MAP2: variants seen among roughly 807,000 people sequenced by gnomAD.
MAP2 encodes microtubule associated protein 2.
In MAP2, 14 loss-of-function variants were observed where a neutral mutation model predicts 137.6. The observed-to-expected ratio is 0.10, with a 90% CI of 0.07 to 0.16. The LOEUF (loss-of-function observed/expected upper bound fraction) is 0.16, where lower values mean the gene tolerates loss of function less well. Among genes scored for constraint, MAP2 ranks in the 10% least tolerant of loss-of-function variants. The probability of loss-of-function intolerance (pLI) is 1.00; values close to 1 mark genes in which losing one functional copy is unlikely to be tolerated. For missense variants in MAP2, 2,088 were observed against 2,191.5 expected, an observed-to-expected ratio of 0.95 and a Z score of 0.94; for synonymous variants, 786 against 782.3, an observed-to-expected ratio of 1.00 and a Z score of -0.08.
intron 5 of MAP2, among the ~76,000 whole-genome samples, chr2:209,663,611 A>G (rs946800010): frequency 3.9e-5 from 6 of 152,218 alleles, no homozygotes; most frequent in African/African-American, 1.4e-4. Context: ...AGTTGATTTC[A>G]GGAATACGCA....
intron 13 of MAP2, among the ~76,000 whole-genome samples, chr2:209,724,831 A>G (rs893951487): frequency 6.6e-6 from 1 of 152,228 alleles, no homozygotes; most frequent in Non-Finnish European, 1.5e-5. Context: ...AAGGAGCCCC[A>G]GTCCTGGTAA....
chr2:209,574,973 CATTCCAAAAT>C (rs2075063430), intron 2 of MAP2, among the ~76,000 whole-genome samples: 1 of 152,160 alleles, frequency 6.6e-6, no homozygotes, highest in African/African-American at 2.4e-5. Flanking sequence ...CTACAAAGGT[CATTCCAAAAT>C]ATTTTGGCCA....
At chr2:209,573,722 T>G (rs771864587) in intron 2 of MAP2, among the ~76,000 whole-genome samples, 1 of 152,316 alleles carries the variant, frequency 6.6e-6, no homozygotes, top group East Asian at 1.9e-4. Context: ...AACCATTACT[T>G]AATTTCAGAA....
intron 5 of MAP2, among the ~76,000 whole-genome samples, chr2:209,657,618 T>C (rs2041562145): frequency 6.6e-6 from 1 of 152,194 alleles, no homozygotes; most frequent in Non-Finnish European, 1.5e-5. Context: ...GCTCACTTTT[T>C]AATGAGGATT....
chr2:209,725,630 G>C (rs1372661281), intron 13 of MAP2, 79 bp from the exon 14 acceptor site: 1 of 820,710 alleles, frequency 1.2e-6, no homozygotes, highest in African/African-American at 1.8e-5. Context: ...CTTTGGGTGT[G>C]TTTCTAGATC....
chr2:209,433,389 T>C (rs1694847160), intron 1 of MAP2, among the ~76,000 whole-genome samples: 1 of 151,992 alleles, frequency 6.6e-6, no homozygotes, highest in South Asian at 2.1e-4. Context: ...CTTGGTATAT[T>C]TGGAAAACAG....
intron 1 of MAP2, among the ~76,000 whole-genome samples, chr2:209,489,550 G>C (rs1340443255): frequency 6.6e-6 from 1 of 152,096 alleles, no homozygotes; most frequent in African/African-American, 2.4e-5. Flanking sequence ...CTTGATAAAA[G>C]GTTAGAGGAA....
chr2:209,721,563 T>A (rs1458059667), intron 13 of MAP2, among the ~76,000 whole-genome samples: 1 of 152,218 alleles, frequency 6.6e-6, no homozygotes, highest in Non-Finnish European at 1.5e-5. Context: ...CTAAATAATC[T>A]CTTAATAATG....
intron 14 of MAP2, among the ~76,000 whole-genome samples, chr2:209,726,437 T>A (rs995319565): frequency 6.6e-6 from 1 of 152,166 alleles, no homozygotes; most frequent in Admixed American, 6.5e-5. Context: ...TTTTTCTGAA[T>A]ATCATGTATT....
chr2:209,457,948 A>T (rs188565105), intron 1 of MAP2, among the ~76,000 whole-genome samples: 411 of 152,300 alleles, frequency 2.7e-3, no homozygotes, highest in Middle Eastern at 3.4e-3. Context: ...ATATCTCCAC[A>T]GTGTGTTTTT....
chr2:209,696,438 T>C (rs2060208089), intron 8 of MAP2, 88 bp downstream of exon 8: 1 of 1,469,616 alleles, frequency 6.8e-7, no homozygotes, highest in African/African-American at 1.4e-5. Context: ...AATACCTCTT[T>C]ATCTCTTTAT....
At chr2:209,519,200 A>T (rs1237585746) in intron 2 of MAP2, among the ~76,000 whole-genome samples, 1 of 152,076 alleles carries the variant, frequency 6.6e-6, no homozygotes, top group Admixed American at 6.6e-5. Context: ...GATTATAAAA[A>T]CCAAAAGAAA....
chr2:209,477,842 TA>T (rs540336538), intron 1 of MAP2, among the ~76,000 whole-genome samples: 2,300 of 131,576 alleles, frequency 0.017, 33 homozygotes, highest in African/African-American at 0.051. Flanking sequence ...TACAAAATAT[TA>T]AAAAAAAAAA....
At chr2:209,716,249 T>G (rs2067548915) in intron 13 of MAP2, among the ~76,000 whole-genome samples, 1 of 152,242 alleles carries the variant, frequency 6.6e-6, no homozygotes, top group African/African-American at 2.4e-5. Flanking sequence ...GAGGTGCATT[T>G]TGTCCATAAT....
rs1308274593 is a variant in MAP2 at position 209,730,426 on chromosome 2, A to G, written c.*29A>G. On this transcript the variant is annotated 3_prime_UTR_variant, in exon 16 of 16. Transcript: ENST00000682079. ...TTTCTCATTTAGCATTGAAATAATA[A>G]TATTTAGGCATGAGCTCTTGGCAGG... is the stretch of plus-strand genomic sequence containing the variant. The G allele has an allele frequency of 6.5e-7, 1 of 1,541,088 alleles. No individual in the cohort carries two copies.
At chr2:209,598,294 C>T (rs1160652775) in intron 3 of MAP2, among the ~76,000 whole-genome samples, 6 of 152,008 alleles carry the variant, frequency 3.9e-5, no homozygotes, top group East Asian at 1.9e-4. Flanking sequence ...CATGAGCCAC[C>T]GTACCCAGCC....
At chr2:209,633,957 C>T (rs895368858) in intron 4 of MAP2, among the ~76,000 whole-genome samples, 4 of 152,156 alleles carry the variant, frequency 2.6e-5, no homozygotes, top group Admixed American at 2.6e-4. Flanking sequence ...AAACATCAAG[C>T]TGTCCTAAGA....
chr2:209,693,558 C>T lies in MAP2; in HGVS notation c.1388C>T (p.Pro463Leu), dbSNP rs2059480246. Residue 463 changes from proline (P) to leucine (L), a missense_variant, in exon 8 of 16, where the codon CCA (proline) becomes CTA (leucine). Coordinates refer to ENST00000682079, the MANE Select transcript of MAP2 (RefSeq NM_001375505.1). ...GCTGTGCCAAAAGAGAGTAAACCCC[C>T]AAAACCTGCAGATGAAGAAATAGGC... ...KEAVPKESKP[P>L]KPADEEIGII... is the part of the protein sequence containing the mutation. 6.2e-7 allele frequency: 1 copy of T among 1,612,390 alleles called. No homozygotes were observed. Among genetic ancestry groups the T allele is most frequent in the Non-Finnish European group, 8.5e-7 (1 of 1,179,682 alleles).
chr2:209,653,964 G>T (rs1041049646), intron 5 of MAP2, among the ~76,000 whole-genome samples: 3 of 152,172 alleles, frequency 2.0e-5, no homozygotes, highest in African/African-American at 7.2e-5. Context: ...TGAATCAGAT[G>T]ATCTTGGAGC....
Sources: gnomAD v4.1 joint callset for allele counts (sites outside exome capture counted in the v4.1 genomes callset) on GRCh38, gnomAD v4.1.1 for gene constraint, MANE v1.5 for transcripts, NCBI Gene and HGNC (gene_info 2026-07-23, HGNC 2026-07-21) for gene names.